Variants in LHFPL3 observed in about 807,000 individuals in gnomAD.
LHFPL3 encodes LHFPL tetraspan subfamily member 3.
A neutral mutation model predicts 19.3 loss-of-function variants in LHFPL3; 5 were observed. That is an observed-to-expected ratio of 0.26 (90% CI 0.14 to 0.54). The LOEUF is 0.54. LHFPL3 is among the 20% of genes least tolerant of loss of function. The pLI is 0.94. For synonymous variants in LHFPL3, 133 were observed against 126.2 expected, an observed-to-expected ratio of 1.05 and a Z score of -0.36; for missense variants, 249 against 307.4, an observed-to-expected ratio of 0.81 and a Z score of 1.42.
chr7:104,587,659 G>A (rs1790609012), intron 1 of LHFPL3, among the ~76,000 whole-genome samples: 1 of 151,942 alleles, frequency 6.6e-6, no homozygotes, highest in South Asian at 2.1e-4. Context: ...TGGGTCAAAT[G>A]GTATTTCTAG....
At chr7:104,595,078 G>A (rs777128441) in intron 1 of LHFPL3, among the ~76,000 whole-genome samples, 6 of 152,160 alleles carry the variant, frequency 3.9e-5, no homozygotes, top group Non-Finnish European at 5.9e-5. Flanking sequence ...GCTTTGTTCC[G>A]TTGCTGGCAA....
At chr7:104,408,546 C>A (rs761131858) in intron 1 of LHFPL3, among the ~76,000 whole-genome samples, 1 of 152,090 alleles carries the variant, frequency 6.6e-6, no homozygotes, top group Non-Finnish European at 1.5e-5. Context: ...TGGCTTCATG[C>A]AAATTGAGCA....
intron 2 of LHFPL3, among the ~76,000 whole-genome samples, chr7:104,771,493 G>C (rs1794550117): frequency 6.6e-6 from 1 of 152,026 alleles, no homozygotes; most frequent in African/African-American, 2.4e-5. Context: ...TGCTTCAGTT[G>C]AGAATATAGC....
chr7:104,382,420 G>A (rs1043451819), intron 1 of LHFPL3, among the ~76,000 whole-genome samples: 40 of 152,284 alleles, frequency 2.6e-4, no homozygotes, highest in African/African-American at 7.5e-4. Context: ...CCTGGTAGGT[G>A]GAGGTTGCTG....
chr7:104,818,610 G>T (rs1278828205), intron 2 of LHFPL3, among the ~76,000 whole-genome samples: 1 of 151,996 alleles, frequency 6.6e-6, no homozygotes, highest in Non-Finnish European at 1.5e-5. Flanking sequence ...TATCATTATG[G>T]ACTCAAGTTT....
intron 2 of LHFPL3, among the ~76,000 whole-genome samples, chr7:104,789,535 C>T (rs1029474186): frequency 6.6e-5 from 10 of 152,130 alleles, no homozygotes; most frequent in Non-Finnish European, 1.3e-4. Context: ...TAGACTCCAG[C>T]TTTCTGTCCC....
chr7:104,411,079 T>C (rs1369119641), intron 1 of LHFPL3, among the ~76,000 whole-genome samples: 1 of 152,200 alleles, frequency 6.6e-6, no homozygotes, highest in Non-Finnish European at 1.5e-5. Context: ...TCTAACTGGA[T>C]TAGTTTCAGT....
At chr7:104,712,173 G>A (rs4457270) in intron 1 of LHFPL3, among the ~76,000 whole-genome samples, 6 of 152,224 alleles carry the variant, frequency 3.9e-5, no homozygotes, top group African/African-American at 1.4e-4. Flanking sequence ...GAGAAAGTCA[G>A]AGAGATGATA....
At chr7:104,878,947 T>C (rs146059712) in intron 2 of LHFPL3, among the ~76,000 whole-genome samples, 45 of 152,290 alleles carry the variant, frequency 3.0e-4, no homozygotes, top group African/African-American at 1.0e-3. Context: ...GTTGTCTAGA[T>C]AGATCAAACT....
chr7:104,642,280 C>T (rs1791851689), intron 1 of LHFPL3, among the ~76,000 whole-genome samples: 1 of 151,962 alleles, frequency 6.6e-6, no homozygotes, highest in Non-Finnish European at 1.5e-5. Context: ...TCAAGTGATC[C>T]GCCCACCTCA....
chr7:104,731,983 ATG>A (rs1454202539), intron 1 of LHFPL3, among the ~76,000 whole-genome samples: 4 of 152,132 alleles, frequency 2.6e-5, no homozygotes, highest in Admixed American at 2.6e-4. Context: ...TGAGATAATC[ATG>A]TGTTTTTTGT....
chr7:104,640,874 A>G (rs534571283), intron 1 of LHFPL3, among the ~76,000 whole-genome samples: 23 of 152,362 alleles, frequency 1.5e-4, no homozygotes, highest in African/African-American at 4.1e-4. Context: ...TTAACTCTCA[A>G]TTAATCTATT....
intron 1 of LHFPL3, among the ~76,000 whole-genome samples, chr7:104,604,491 G>A (rs575868254): frequency 5.9e-5 from 9 of 152,276 alleles, no homozygotes; most frequent in South Asian, 2.1e-4. Context: ...TCTCCTTAGC[G>A]GATGGCCACT....
At chr7:104,626,352 T>G (rs892638832) in intron 1 of LHFPL3, among the ~76,000 whole-genome samples, 1 of 152,196 alleles carries the variant, frequency 6.6e-6, no homozygotes, top group African/African-American at 2.4e-5. Context: ...AAACTTTCTG[T>G]ATTTTTAGTT....
intron 1 of LHFPL3, among the ~76,000 whole-genome samples, chr7:104,592,426 C>CTGCAAAACAGCAAATAT (rs1554411585): frequency 7.1e-6 from 1 of 140,868 alleles, no homozygotes; most frequent in South Asian, 2.5e-4. Flanking sequence ...CCAGCGGAGG[C>CTGCAAAACAGCAAATAT]TGCAGAACAG....
At chr7:104,388,406 A>G (rs1562882470) in intron 1 of LHFPL3, among the ~76,000 whole-genome samples, 1 of 151,902 alleles carries the variant, frequency 6.6e-6, no homozygotes, top group Non-Finnish European at 1.5e-5. Context: ...TCAATAAGAC[A>G]TACAGCTGAC....
chr7:104,637,786 CT>C (rs1791755342), intron 1 of LHFPL3, among the ~76,000 whole-genome samples: 2 of 138,502 alleles, frequency 1.4e-5, no homozygotes, highest in Non-Finnish European at 3.1e-5. Context: ...TATTGTAGCC[CT>C]TTAGTATAGT....
rs542073550 is a variant in LHFPL3, at chr7:104,562,658, G to A, written c.446-174017G>A. Among the ~76,000 whole-genome samples, 40 of 151,766 alleles carry A rather than the reference G, an allele frequency of 2.6e-4. No homozygotes were observed. In the East Asian group the frequency reaches 4.6e-3, roughly 18 times the overall value. ...TCCCATAGCTCAGAGTAATTTGGTC[G>A]TCTGAAGCCTTCTTCTCTCAGCTCC... is the stretch of plus-strand genomic sequence containing the variant. On this transcript the variant is annotated intron_variant, in intron 1 of 2. Coordinates refer to ENST00000424859, the MANE Select transcript of LHFPL3 (RefSeq NM_199000.3).
chr7:104,332,821 T>C (rs1034509051), intron 1 of LHFPL3, among the ~76,000 whole-genome samples: 2 of 152,166 alleles, frequency 1.3e-5, no homozygotes, highest in East Asian at 3.9e-4. Context: ...TATCTTTGGA[T>C]GTCATCCTGT....
Sources: gnomAD v4.1 joint callset for allele counts (sites outside exome capture counted in the v4.1 genomes callset) on GRCh38, gnomAD v4.1.1 for gene constraint, MANE v1.5 for transcripts, NCBI Gene and HGNC (gene_info 2026-07-23, HGNC 2026-07-21) for gene names.